RCBTB1: variants seen among roughly 807,000 people sequenced by gnomAD.
RCBTB1 encodes RCC1 and BTB domain-containing protein 1.
A neutral mutation model predicts 62.4 loss-of-function variants in RCBTB1; 46 were observed. That is an observed-to-expected ratio of 0.74 (90% confidence interval 0.58 to 0.94). The LOEUF is 0.94. Among genes scored for constraint, RCBTB1 ranks in the 40% least tolerant of loss-of-function variants. The pLI, the probability that RCBTB1 is intolerant of heterozygous loss-of-function variation, is 0.00. For synonymous variants in RCBTB1, 222 were observed against 245.8 expected (o/e 0.90, Z 0.91); for missense variants, 565 against 654.9 (o/e 0.86, Z 1.50).
chr13:49,547,046 G>A, intron 9 of RCBTB1: 1 of 1,227,750 alleles, frequency 8.1e-7, no homozygotes, highest in Non-Finnish European at 1.0e-6. Context: ...AACAAGTCCA[G>A]GTTAAGTAGT....
At chr13:49,541,056 A>G (rs752482129) in intron 11 of RCBTB1, 50 bp from the exon 12 acceptor site, 1 of 1,544,168 alleles carries the variant, frequency 6.5e-7, no homozygotes, top group Non-Finnish European at 8.8e-7. Context: ...ATAATTTCCA[A>G]TACACAGAGA....
At chr13:49,564,648 T>C (rs1011632188) in intron 4 of RCBTB1, among the ~76,000 whole-genome samples, 80 of 145,966 alleles carry the variant, frequency 5.5e-4, no homozygotes, top group Middle Eastern at 3.8e-3. Flanking sequence ...TCCCAGCACT[T>C]TGGGAGGCTG....
At chr13:49,556,260 G>A (rs760108164) in intron 5 of RCBTB1, among the ~76,000 whole-genome samples, 5 of 148,734 alleles carry the variant, frequency 3.4e-5, no homozygotes, top group African/African-American at 5.0e-5. Context: ...GCAGTGGTGC[G>A]ATCTCAGCTC....
chr13:49,568,651 G>T (rs951539196), intron 2 of RCBTB1, among the ~76,000 whole-genome samples: 1 of 65,478 alleles, frequency 1.5e-5, no homozygotes, highest in African/African-American at 3.9e-5. Context: ...ATCAGGCCGG[G>T]GGAGGGGGGT....
intron 6 of RCBTB1, among the ~76,000 whole-genome samples, chr13:49,554,499 C>T (rs1961675476): frequency 6.6e-6 from 1 of 152,120 alleles, no homozygotes; most frequent in African/African-American, 2.4e-5. Context: ...AGCACCCTAG[C>T]ACAGGGGTCC....
chr13:49,545,543 T>C (rs139454193), intron 9 of RCBTB1, among the ~76,000 whole-genome samples: 267 of 152,314 alleles, frequency 1.8e-3, no homozygotes, highest in African/African-American at 5.9e-3. Flanking sequence ...GTTGTGGTTA[T>C]ATGTTAAGTA....
At chr13:49,575,780 A>G (rs932056021) in intron 2 of RCBTB1, among the ~76,000 whole-genome samples, 1 of 152,172 alleles carries the variant, frequency 6.6e-6, no homozygotes, top group African/African-American at 2.4e-5. Flanking sequence ...AAAACTACCT[A>G]TTGGATACTA....
chr13:49,575,942 T>C lies in RCBTB1; in HGVS notation c.-42+4563A>G, dbSNP rs911900695. On this transcript the variant is annotated intron_variant, in intron 2 of 12. Coordinates refer to ENST00000378302, the MANE Select transcript of RCBTB1 (RefSeq NM_018191.4). ...GTGGCTCACGCCTGTAATCCCAGCA[T>C]TCTGGGAGGCCAAGACGAGCAGATC... is the stretch of plus-strand genomic sequence containing the variant. 7.2e-5 allele frequency among the ~76,000 whole-genome samples: 11 copies of C among 152,044 alleles called. No homozygotes were observed. In the East Asian group the frequency reaches 1.7e-3, roughly 24 times the overall value.
At chr13:49,559,639 G>C (rs113746640) in intron 5 of RCBTB1, among the ~76,000 whole-genome samples, 1 of 134,518 alleles carries the variant, frequency 7.4e-6, no homozygotes, top group African/African-American at 2.9e-5. Context: ...CTGGGCGACA[G>C]AGCGAGACTC....
At chr13:49,534,995 C>T (rs558756781) in intron 12 of RCBTB1, among the ~76,000 whole-genome samples, 63 of 145,914 alleles carry the variant, frequency 4.3e-4, no homozygotes, top group African/African-American at 1.5e-3. Context: ...GATCGCACCA[C>T]TGCACTCTAG....
chr13:49,544,460 ACT>A (rs1445560168), intron 10 of RCBTB1, among the ~76,000 whole-genome samples: 6 of 134,232 alleles, frequency 4.5e-5, no homozygotes, highest in African/African-American at 1.7e-4. Flanking sequence ...CAAGAGTGAA[ACT>A]CTGTCTCAAA....
intron 5 of RCBTB1, among the ~76,000 whole-genome samples, chr13:49,559,293 CA>C (rs566644665): frequency 2.4e-4 from 36 of 152,294 alleles, no homozygotes; most frequent in Non-Finnish European, 4.0e-4. Flanking sequence ...AAACCAGTTA[CA>C]AAAGGACAAA....
rs1007831241 is a variant in RCBTB1, at chr13:49,532,484, C to T, written c.*1638G>A. On this transcript the variant is annotated 3_prime_UTR_variant, in exon 13 of 13. Coordinates refer to ENST00000378302, the MANE Select transcript of RCBTB1 (RefSeq NM_018191.4). ...GTTACAAACACCACCCATCATAGCACAAATCAATGTGCATTTCTGAAGCTA... is the reference window on the plus strand; with the variant it reads ...GTTACAAACACCACCCATCATAGCATAAATCAATGTGCATTTCTGAAGCTA... 17 of 152,566 alleles carry T rather than the reference C, an allele frequency of 1.1e-4. No individual in the cohort carries two copies. The highest frequency in any genetic ancestry group is 4.1e-4 in the African/African-American group (17 of 41,428). 9.5% of individuals were successfully genotyped at this position (152,566 alleles called of 1,614,324 possible). A position where few individuals can be genotyped will look rare whatever the true frequency, so the allele number is the denominator to read the frequency against.
At chr13:49,535,448 C>T (rs1925742) in intron 12 of RCBTB1, among the ~76,000 whole-genome samples, 88,129 of 151,998 alleles carry the variant, frequency 0.58, 26,728 homozygotes, top group Non-Finnish European at 0.68. Context: ...GACTTTATTA[C>T]AACTTGGTTA....
chr13:49,540,848 T>C (rs1272997391), intron 12 of RCBTB1, 28 bp downstream of exon 12: 2 of 1,607,338 alleles, frequency 1.2e-6, no homozygotes, highest in East Asian at 2.2e-5. Flanking sequence ...TTAAAGGTGG[T>C]CTGGTTTCTG....
rs1566231693 is a variant in RCBTB1 at position 49,551,442 on chromosome 13, T to C, written c.738A>G (p.Leu246=). 1.2e-6 allele frequency: 2 copies of C among 1,614,214 alleles called. No homozygotes were observed. The highest frequency in any genetic ancestry group is 1.7e-6 in the Non-Finnish European group (2 of 1,180,040). The change falls in exon 8 of 13, where the codon CTA becomes CTG. Residue 246 remains leucine (L), a synonymous_variant. Transcript: ENST00000378302. Reference sequence around the variant, plus strand: ...ACAGCAAGCCCTCATCTGTTAGTGCTAGAGTATGTGCGTAACCGCAGACAA... The same window carrying C: ...ACAGCAAGCCCTCATCTGTTAGTGCCAGAGTATGTGCGTAACCGCAGACAA... ...NQIVCGYAHT[L]ALTDEGLLYA...
intron 4 of RCBTB1, among the ~76,000 whole-genome samples, chr13:49,566,105 C>T (rs1725332968): frequency 1.3e-5 from 2 of 150,296 alleles, no homozygotes; most frequent in Non-Finnish European, 1.5e-5. Flanking sequence ...TCTCAAGTAC[C>T]CAGGGACACA....
chr13:49,545,911 A>G (rs1446445181), intron 9 of RCBTB1, among the ~76,000 whole-genome samples: 1 of 152,182 alleles, frequency 6.6e-6, no homozygotes, highest in Non-Finnish European at 1.5e-5. Context: ...AAGCTTTATC[A>G]TCAGACTCTC....
At chr13:49,563,500 T>C (rs192762155) in intron 4 of RCBTB1, among the ~76,000 whole-genome samples, 21 of 151,130 alleles carry the variant, frequency 1.4e-4, no homozygotes, top group African/African-American at 4.6e-4. Flanking sequence ...CTGTCTCTAC[T>C]AAAAACACAA....
Sources: gnomAD v4.1 joint callset for allele counts (sites outside exome capture counted in the v4.1 genomes callset) on GRCh38, gnomAD v4.1.1 for gene constraint, MANE v1.5 for transcripts, NCBI Gene and HGNC (gene_info 2026-07-23, HGNC 2026-07-21) for gene names.